GPT2: variants seen among roughly 807,000 people sequenced by gnomAD.
GPT2 encodes the protein alanine aminotransferase 2.
Under a neutral mutation model 56.9 loss-of-function variants are expected in GPT2, and 30 were observed. The ratio of observed to expected loss-of-function variants is 0.53; its 90% CI spans 0.39 to 0.72. The LOEUF (loss-of-function observed/expected upper bound fraction) is 0.72. GPT2 is among the 30% of genes least tolerant of loss of function. The pLI is 0.00. For missense variants in GPT2, 542 were observed against 703.4 expected (o/e 0.77, Z 2.60); for synonymous variants, 271 against 283.1 (o/e 0.96, Z 0.43).
intron 2 of GPT2, among the ~76,000 whole-genome samples, chr16:46,891,228 C>A (rs914834380): frequency 6.6e-6 from 1 of 151,010 alleles, no homozygotes; most frequent in Admixed American, 6.6e-5. Flanking sequence ...ATCCCCATAA[C>A]TTATTCATAT....
At chr16:46,892,919 T>G (rs1960611475) in intron 2 of GPT2, among the ~76,000 whole-genome samples, 1 of 152,210 alleles carries the variant, frequency 6.6e-6, no homozygotes, top group Admixed American at 6.5e-5. Flanking sequence ...CCAAGGATGC[T>G]CATATAAATG....
chr16:46,909,827 C>T lies in GPT2; in HGVS notation c.720C>T (p.Cys240=). 6.2e-7 allele frequency: 1 copy of T among 1,614,156 alleles called. No individual in the cohort carries two copies. The highest frequency in any genetic ancestry group is 8.5e-7 in the Non-Finnish European group (1 of 1,180,028). The change falls in exon 6 of 12, where the codon TGC becomes TGT. Residue 240 remains cysteine (C), a synonymous_variant. Transcript: ENST00000340124. ...ATTACTACCTGGACGAGGAGAACTG[C>T]TGGGCGCTGAATGTGAATGAGCTCC... The part of the protein sequence containing the change: ...QVNYYLDEEN[C]WALNVNELRR...
chr16:46,926,921 A>T lies in GPT2; in HGVS notation c.1369-4A>T. On this transcript the variant is annotated splice_region_variant and splice_polypyrimidine_tract_variant and intron_variant, in intron 10 of 11. Coordinates refer to ENST00000340124, the MANE Select transcript of GPT2 (RefSeq NM_133443.4). ...ATGATCATGAGCTCTGTCTGCTCCC[A>T]TAGGCCCATCAAATGGCTCCAGACA... 1 of 1,564,036 alleles carries T rather than the reference A, an allele frequency of 6.4e-7. No individual in the cohort carries two copies. Among genetic ancestry groups the T allele is most frequent in the Non-Finnish European group, 8.6e-7 (1 of 1,156,484 alleles).
At chr16:46,920,556 G>T (rs893034389) in intron 8 of GPT2, among the ~76,000 whole-genome samples, 1 of 152,248 alleles carries the variant, frequency 6.6e-6, no homozygotes, top group Non-Finnish European at 1.5e-5. Flanking sequence ...TGTTCCCAAC[G>T]TGGTGGGGTC....
At chr16:46,909,998 A>G in intron 6 of GPT2, 71 bp downstream of exon 6, 2 of 1,495,022 alleles carry the variant, frequency 1.3e-6, no homozygotes, top group South Asian at 2.7e-5. Flanking sequence ...TCTAGAAACC[A>G]GAGTTAAATA....
At chr16:46,922,751 G>A (rs976584107) in intron 9 of GPT2, among the ~76,000 whole-genome samples, 20 of 152,072 alleles carry the variant, frequency 1.3e-4, no homozygotes, top group Non-Finnish European at 4.4e-5. Flanking sequence ...GGAGGTAGAG[G>A]GGCGCAGCAT....
At chr16:46,921,027 T>G (rs1010776395) in intron 8 of GPT2, among the ~76,000 whole-genome samples, 3 of 152,226 alleles carry the variant, frequency 2.0e-5, no homozygotes, top group African/African-American at 7.2e-5. Flanking sequence ...CAGAAAGTTC[T>G]TTCTTTCCAT....
intron 4 of GPT2, among the ~76,000 whole-genome samples, chr16:46,903,105 C>T (rs533628232): frequency 6.6e-6 from 1 of 151,916 alleles, no homozygotes; most frequent in Admixed American, 6.5e-5. Context: ...AAAAATTAGC[C>T]AGGCATTATG....
At chr16:46,919,092 A>T (rs1961229583) in intron 8 of GPT2, among the ~76,000 whole-genome samples, 1 of 152,226 alleles carries the variant, frequency 6.6e-6, no homozygotes, top group African/African-American at 2.4e-5. Flanking sequence ...GAGCAGACAA[A>T]CAGATGCTGT....
chr16:46,893,025 T>A (rs1960614015), intron 2 of GPT2, among the ~76,000 whole-genome samples: 1 of 152,254 alleles, frequency 6.6e-6, no homozygotes, highest in South Asian at 2.1e-4. Flanking sequence ...GTACATATTG[T>A]GTAAATAATG....
chr16:46,916,838 G>A (rs1025893951), intron 7 of GPT2, 131 bp downstream of exon 7: 1 of 679,272 alleles, frequency 1.5e-6, no homozygotes, highest in Non-Finnish European at 2.6e-6. Context: ...CTAGGGTGAG[G>A]ATATTTAGTT....
At chr16:46,896,315 A>T (rs1041246951) in intron 2 of GPT2, among the ~76,000 whole-genome samples, 1 of 152,186 alleles carries the variant, frequency 6.6e-6, no homozygotes, top group Non-Finnish European at 1.5e-5. Context: ...TGCAGCAGCC[A>T]TGGTGTCCTT....
chr16:46,927,390 C>G (rs1961439740), intron 11 of GPT2, among the ~76,000 whole-genome samples: 1 of 152,220 alleles, frequency 6.6e-6, no homozygotes, highest in Admixed American at 6.5e-5. Context: ...CTGCCAGTGC[C>G]TGGAGTGGTG....
At chr16:46,916,566 G>C in intron 6 of GPT2, 62 bp from the exon 7 acceptor site, 1 of 1,281,458 alleles carries the variant, frequency 7.8e-7, no homozygotes, top group African/African-American at 1.5e-5. Context: ...ATGGGCTTCT[G>C]ACCTGGGGAC....
chr16:46,911,452 C>T (rs1266270071), intron 6 of GPT2, among the ~76,000 whole-genome samples: 1 of 152,108 alleles, frequency 6.6e-6, no homozygotes, highest in African/African-American at 2.4e-5. Flanking sequence ...GTGCAGCTGG[C>T]GATACCACTG....
intron 10 of GPT2, among the ~76,000 whole-genome samples, chr16:46,926,540 A>G (rs989522064): frequency 6.6e-6 from 1 of 152,166 alleles, no homozygotes; most frequent in Admixed American, 6.5e-5. Flanking sequence ...TGTGGGAAGC[A>G]GTGTTGAGAG....
At chr16:46,893,731 G>GA (rs1960630055) in intron 2 of GPT2, among the ~76,000 whole-genome samples, 2 of 152,182 alleles carry the variant, frequency 1.3e-5, no homozygotes, top group African/African-American at 2.4e-5. Flanking sequence ...CCCTCCCTGG[G>GA]AAGGACCTTC....
intron 4 of GPT2, 40 bp from the exon 5 acceptor site, chr16:46,906,802 A>C (rs762292718): frequency 6.2e-7 from 1 of 1,607,208 alleles, no homozygotes; most frequent in African/African-American, 1.3e-5. Flanking sequence ...GTGGAGCCAG[A>C]CATCCTGCCT....
intron 2 of GPT2, among the ~76,000 whole-genome samples, chr16:46,889,750 A>G (rs1417874260): frequency 1.3e-5 from 2 of 152,224 alleles, no homozygotes; most frequent in African/African-American, 2.4e-5. Context: ...CTAGTTTGAG[A>G]TGTTAATGAT....
Sources: gnomAD v4.1 joint callset for allele counts (sites outside exome capture counted in the v4.1 genomes callset) on GRCh38, gnomAD v4.1.1 for gene constraint, MANE v1.5 for transcripts, NCBI Gene and HGNC (gene_info 2026-07-23, HGNC 2026-07-21) for gene names.